The following KCTD8 variants were observed in gnomAD, a reference collection of about 807,000 sequenced individuals.
KCTD8 encodes BTB/POZ domain-containing protein KCTD8.
In KCTD8, 27 loss-of-function variants were observed where a neutral mutation model predicts 31.5. The observed-to-expected ratio is 0.86, with a 90% confidence interval of 0.63 to 1.18. The LOEUF is 1.18. Among genes scored for constraint, KCTD8 ranks in the 50% most tolerant of loss-of-function variants. The probability of loss-of-function intolerance (pLI) is 0.00; values close to 1 mark genes in which losing one functional copy is unlikely to be tolerated. For synonymous variants in KCTD8, 290 were observed against 280.0 expected, an observed-to-expected ratio of 1.04 and a Z score of -0.36; for missense variants, 658 against 647.7, an observed-to-expected ratio of 1.02 and a Z score of -0.17.
chr4:44,325,118 A>G lies in KCTD8; in HGVS notation c.961+122445T>C, dbSNP rs181749718. Among the ~76,000 whole-genome samples, 16 of 152,128 alleles carry G rather than the reference A, an allele frequency of 1.1e-4. No individual in the cohort carries two copies. The East Asian group carries it at 2.5e-3, about 24-fold the overall frequency. On this transcript the variant is annotated intron_variant, in intron 1 of 1. Transcript: ENST00000360029. ...CTATAATTCTGGGTAAAATAACTTT[A>G]AATGCAATTGTCTGTTTGAATGCAC...
At position 44,174,826 on chromosome 4, in the gene KCTD8, T is replaced by C. The variant is rs1713154986; in HGVS notation, c.1386A>G (p.Gln462=). 1.2e-6 allele frequency: 2 copies of C among 1,612,410 alleles called. No individual in the cohort carries two copies. The highest frequency in any genetic ancestry group is 1.1e-5 in the South Asian group (1 of 90,908). ...ACTTCTGCAACAGTTCAGATTGCCA[T>C]TGGCGTTTGCGCTCTGGAAAATAAT... ...IPDYFPERKR[Q]WQSELLQKYG... Residue 462 remains glutamine, a synonymous_variant, in exon 2 of 2, where the codon CAA becomes CAG. Transcript: ENST00000360029.
chr4:44,219,994 A>T (rs1714762546), intron 1 of KCTD8, among the ~76,000 whole-genome samples: 1 of 152,190 alleles, frequency 6.6e-6, no homozygotes, highest in African/African-American at 2.4e-5. Flanking sequence ...CTATTATTTG[A>T]AGCATGCCCA....
At chr4:44,327,479 C>T (rs1435206035) in intron 1 of KCTD8, among the ~76,000 whole-genome samples, 3 of 151,690 alleles carry the variant, frequency 2.0e-5, no homozygotes, top group Non-Finnish European at 4.4e-5. Flanking sequence ...TAATGTTTCC[C>T]ACAGTAGCTC....
At chr4:44,324,044 T>TAAAAAAAAA (rs34203587) in intron 1 of KCTD8, among the ~76,000 whole-genome samples, 3 of 117,254 alleles carry the variant, frequency 2.6e-5, no homozygotes, top group African/African-American at 7.2e-5. Flanking sequence ...AAAGTATAAT[T>TAAAAAAAAA]AAAAAAAAAA....
At chr4:44,370,520 T>G (rs1719753786) in intron 1 of KCTD8, among the ~76,000 whole-genome samples, 1 of 152,192 alleles carries the variant, frequency 6.6e-6, no homozygotes, top group Admixed American at 6.5e-5. Context: ...GATCACAGGA[T>G]TTTTCTATAT....
At chr4:44,360,357 T>C (rs1719463897) in intron 1 of KCTD8, among the ~76,000 whole-genome samples, 1 of 152,038 alleles carries the variant, frequency 6.6e-6, no homozygotes, top group African/African-American at 2.4e-5. Context: ...GTACATATGA[T>C]TTGCTTTCCA....
At chr4:44,370,406 T>C in intron 1 of KCTD8, among the ~76,000 whole-genome samples, 1 of 152,214 alleles carries the variant, frequency 6.6e-6, no homozygotes, top group East Asian at 1.9e-4. Flanking sequence ...ACATCTAGAA[T>C]TTTATATTAT....
At chr4:44,180,162 G>A (rs1467144704) in intron 1 of KCTD8, among the ~76,000 whole-genome samples, 1 of 152,030 alleles carries the variant, frequency 6.6e-6, no homozygotes, top group Non-Finnish European at 1.5e-5. Context: ...ACTTTGCCCT[G>A]TGAGTTAGAG....
chr4:44,320,001 G>T (rs1458945508), intron 1 of KCTD8, among the ~76,000 whole-genome samples: 1 of 151,400 alleles, frequency 6.6e-6, no homozygotes, highest in Non-Finnish European at 1.5e-5. Context: ...GTGAAACCCC[G>T]TCTCTACTAA....
chr4:44,349,993 C>G (rs753951914), intron 1 of KCTD8, among the ~76,000 whole-genome samples: 1 of 152,044 alleles, frequency 6.6e-6, no homozygotes, highest in Non-Finnish European at 1.5e-5. Flanking sequence ...TTCCATCTAC[C>G]ACTGACTAGG....
At chr4:44,242,207 C>A (rs953758064) in intron 1 of KCTD8, among the ~76,000 whole-genome samples, 1 of 152,218 alleles carries the variant, frequency 6.6e-6, no homozygotes, top group Non-Finnish European at 1.5e-5. Context: ...TTATTTAATT[C>A]TCACATCAAT....
At chr4:44,368,136 G>A (rs1719690680) in intron 1 of KCTD8, among the ~76,000 whole-genome samples, 1 of 152,090 alleles carries the variant, frequency 6.6e-6, no homozygotes. Flanking sequence ...CAGCACTTTG[G>A]GAGGCTGAGG....
chr4:44,294,173 G>T (rs1717363948), intron 1 of KCTD8, among the ~76,000 whole-genome samples: 1 of 152,070 alleles, frequency 6.6e-6, no homozygotes, highest in Non-Finnish European at 1.5e-5. Context: ...ATACAAAGGG[G>T]AAGATAAACA....
At chr4:44,238,833 T>G (rs1174222601) in intron 1 of KCTD8, among the ~76,000 whole-genome samples, 2 of 152,244 alleles carry the variant, frequency 1.3e-5, no homozygotes, top group African/African-American at 4.8e-5. Context: ...AGCATTATTA[T>G]ATTTTACTTT....
At chr4:44,211,184 T>C (rs1422265334) in intron 1 of KCTD8, among the ~76,000 whole-genome samples, 2 of 152,204 alleles carry the variant, frequency 1.3e-5, no homozygotes, top group East Asian at 3.8e-4. Context: ...TGTTATATAA[T>C]GAAGCATGAT....
At chr4:44,252,051 A>G (rs915473297) in intron 1 of KCTD8, among the ~76,000 whole-genome samples, 1 of 151,662 alleles carries the variant, frequency 6.6e-6, no homozygotes, top group African/African-American at 2.4e-5. Context: ...CCACTGTATG[A>G]TTCTTATGCC....
chr4:44,280,837 A>T (rs1443273352), intron 1 of KCTD8, among the ~76,000 whole-genome samples: 2 of 152,076 alleles, frequency 1.3e-5, no homozygotes, highest in African/African-American at 4.8e-5. Flanking sequence ...TATGTGTATC[A>T]CTTCAGAATG....
intron 1 of KCTD8, among the ~76,000 whole-genome samples, chr4:44,434,635 GGA>G (rs1463308085): frequency 2.6e-5 from 4 of 151,872 alleles, no homozygotes; most frequent in Non-Finnish European, 5.9e-5. Flanking sequence ...TAATGAGCAT[GGA>G]GAGCAAGTTG....
At chr4:44,351,907 A>T (rs1314779516) in intron 1 of KCTD8, among the ~76,000 whole-genome samples, 2 of 152,126 alleles carry the variant, frequency 1.3e-5, no homozygotes, top group East Asian at 1.9e-4. Context: ...AAACTCCATT[A>T]ACTGTCACAG....
Sources: gnomAD v4.1 joint callset for allele counts (sites outside exome capture counted in the v4.1 genomes callset) on GRCh38, gnomAD v4.1.1 for gene constraint, MANE v1.5 for transcripts, NCBI Gene and HGNC (gene_info 2026-07-23, HGNC 2026-07-21) for gene names.